The following CLHC1 variants were observed in gnomAD, a reference collection of about 807,000 sequenced individuals.
CLHC1 encodes the protein clathrin heavy chain linker domain-containing protein 1.
CLHC1 carries 72 observed loss-of-function variants against 69.5 expected under a neutral mutation model. The observed-to-expected ratio is 1.04, with a 90% CI of 0.86 to 1.26. The LOEUF (loss-of-function observed/expected upper bound fraction) is 1.26. CLHC1 is among the 50% of genes most tolerant of loss of function. The probability of loss-of-function intolerance (pLI) is 0.00; values close to 1 mark genes in which losing one functional copy is unlikely to be tolerated. For missense variants in CLHC1, 790 were observed against 679.3 expected (o/e 1.16, Z -1.81); for synonymous variants, 223 against 224.3 (o/e 0.99, Z 0.05).
At chr2:55,184,110 T>C (rs1485550737) in intron 9 of CLHC1, among the ~76,000 whole-genome samples, 1 of 147,884 alleles carries the variant, frequency 6.8e-6, no homozygotes, top group Admixed American at 6.7e-5. Context: ...TTCTTTATTT[T>C]TTTTTTTTTT....
chr2:55,180,022 C>T (rs567351281), intron 11 of CLHC1, among the ~76,000 whole-genome samples: 14 of 151,962 alleles, frequency 9.2e-5, no homozygotes, highest in Admixed American at 7.9e-4. Context: ...GGCGTAGTGG[C>T]GGGCACCTGT....
chr2:55,178,949 G>A (rs1669660928), intron 11 of CLHC1, among the ~76,000 whole-genome samples: 1 of 146,704 alleles, frequency 6.8e-6, no homozygotes. Context: ...ATTATTATTG[G>A]ATAAGGTCTC....
chr2:55,201,121 G>T (rs1031060047), intron 9 of CLHC1, among the ~76,000 whole-genome samples: 25 of 151,786 alleles, frequency 1.6e-4, no homozygotes, highest in African/African-American at 5.8e-4. Context: ...GCATCTTAAA[G>T]AACTAGAAAA....
chr2:55,219,162 C>G (rs1446365741), intron 3 of CLHC1, among the ~76,000 whole-genome samples: 1 of 152,122 alleles, frequency 6.6e-6, no homozygotes, highest in Non-Finnish European at 1.5e-5. Flanking sequence ...CCCTGTTGCT[C>G]CTGGCCATCT....
At chr2:55,198,218 A>T (rs934796709) in intron 9 of CLHC1, among the ~76,000 whole-genome samples, 4 of 152,188 alleles carry the variant, frequency 2.6e-5, no homozygotes, top group African/African-American at 4.8e-5. Flanking sequence ...ATAACCTCAA[A>T]AGTGCAAATC....
At chr2:55,178,279 T>A (rs1669594567) in intron 11 of CLHC1, among the ~76,000 whole-genome samples, 1 of 152,186 alleles carries the variant, frequency 6.6e-6, no homozygotes, top group Admixed American at 6.5e-5. Flanking sequence ...CTCAGTAATT[T>A]TTTTCCTAAA....
At chr2:55,209,273 G>A in intron 7 of CLHC1, 131 bp downstream of exon 7, 2 of 621,084 alleles carry the variant, frequency 3.2e-6, no homozygotes, top group South Asian at 4.2e-5. Context: ...GAAACCCATA[G>A]CGTAACAGAC....
intron 9 of CLHC1, among the ~76,000 whole-genome samples, chr2:55,199,200 G>C (rs1671704266): frequency 6.7e-6 from 1 of 149,672 alleles, no homozygotes; most frequent in Admixed American, 6.8e-5. Context: ...GGGAGGCTGA[G>C]GCAGGAGACT....
intron 11 of CLHC1, among the ~76,000 whole-genome samples, chr2:55,180,056 A>G (rs1392399074): frequency 1.3e-5 from 2 of 152,070 alleles, no homozygotes; most frequent in African/African-American, 2.4e-5. Flanking sequence ...TGGGAGGCTG[A>G]GGCAGGAGAA....
intron 4 of CLHC1, among the ~76,000 whole-genome samples, chr2:55,217,591 A>C (rs1673699155): frequency 7.5e-6 from 1 of 133,284 alleles, no homozygotes; most frequent in African/African-American, 2.7e-5. Flanking sequence ...ATATACTAAG[A>C]GGTACTATAA....
At chr2:55,217,770 C>A in intron 4 of CLHC1, 41 bp downstream of exon 4, 1 of 1,307,340 alleles carries the variant, frequency 7.6e-7, no homozygotes, top group South Asian at 1.7e-5. Flanking sequence ...TATAATCAAG[C>A]AACAACTACC....
At chr2:55,205,007 C>T (rs1672304204) in intron 9 of CLHC1, among the ~76,000 whole-genome samples, 1 of 152,012 alleles carries the variant, frequency 6.6e-6, no homozygotes, top group South Asian at 2.1e-4. Flanking sequence ...GTTAAAATGG[C>T]CATACTGCCC....
Position 55,222,425 on chromosome 2 carries a change from C to T in CLHC1, c.-14G>A. The T allele has an allele frequency of 2.5e-6, 4 of 1,606,544 alleles. No homozygotes were observed. The highest frequency in any genetic ancestry group is 3.4e-6 in the Non-Finnish European group (4 of 1,176,010). Reference sequence around the variant, plus strand: ...ATGAACTGACATATTTGACAATCTGCACACTTGTTCACTGAAGAACAGCTA... The same window carrying T: ...ATGAACTGACATATTTGACAATCTGTACACTTGTTCACTGAAGAACAGCTA... On this transcript the variant is annotated 5_prime_UTR_variant, in exon 3 of 13. Transcript: ENST00000401408.
At chr2:55,183,906 A>G (rs999957645) in intron 9 of CLHC1, among the ~76,000 whole-genome samples, 1 of 151,778 alleles carries the variant, frequency 6.6e-6, no homozygotes. Context: ...TCAGCCTCCC[A>G]TTTAGATGGG....
rs187731266 is a variant in CLHC1 at position 55,176,365 on chromosome 2, T to G, written c.1565-379A>C. On this transcript the variant is annotated intron_variant, in intron 12 of 12. Coordinates refer to ENST00000401408, the MANE Select transcript of CLHC1 (RefSeq NM_152385.4). ...GAGTCTATAAGGCACCACTAGAAACTATGAAATAACTGTAAACCTATAGGT... is the reference window on the plus strand; with the variant it reads ...GAGTCTATAAGGCACCACTAGAAACGATGAAATAACTGTAAACCTATAGGT... 2.8e-3 allele frequency among the ~76,000 whole-genome samples: 421 copies of G among 152,294 alleles called. 3 individuals carry two copies. The highest frequency in any genetic ancestry group is 9.8e-3 in the African/African-American group (407 of 41,556).
Position 55,180,517 on chromosome 2 carries a change from A to G in CLHC1, c.1377T>C (p.Phe459=), listed in dbSNP as rs753613329. The G allele has an allele frequency of 4.3e-6, 7 of 1,612,326 alleles. No homozygotes were observed. The highest frequency in any genetic ancestry group is 4.0e-5 in the African/African-American group (3 of 74,900). ...GCAGACTTTTTAACTTACCGGTAGTAAAGTCCTTCAACTGCTGTATGTACT... is the reference window on the plus strand; with the variant it reads ...GCAGACTTTTTAACTTACCGGTAGTGAAGTCCTTCAACTGCTGTATGTACT... ...VMEYIQQLKD[F]TTDDLLQLLM... Residue 459 remains phenylalanine, a synonymous_variant, in exon 11 of 13, where the codon TTT becomes TTC. Coordinates refer to ENST00000401408, the MANE Select transcript of CLHC1 (RefSeq NM_152385.4).
At chr2:55,212,877 A>G (rs1673150230) in intron 4 of CLHC1, 71 bp from the exon 5 acceptor site, 4 of 1,185,802 alleles carry the variant, frequency 3.4e-6, no homozygotes, top group East Asian at 4.7e-5. Flanking sequence ...CTAAAGTCAA[A>G]CAGGTTAAAT....
chr2:55,180,541 C>A lies in CLHC1; in HGVS notation c.1353G>T (p.Glu451Asp), dbSNP rs1376304799. 6.2e-7 allele frequency: 1 copy of A among 1,614,030 alleles called. No homozygotes were observed. Among genetic ancestry groups the A allele is most frequent in the Non-Finnish European group, 8.5e-7 (1 of 1,179,942 alleles). Residue 451 changes from glutamate (E) to aspartate (D), a missense_variant, in exon 11 of 13, where the codon GAG (glutamate) becomes GAT (aspartate). Coordinates refer to ENST00000401408, the MANE Select transcript of CLHC1 (RefSeq NM_152385.4). ...CKQGQTHRVM[E>D]YIQQLKDFTT... ...TAAAGTCCTTCAACTGCTGTATGTA[C>A]TCCATGACCCTATGAGTCTGACCCT... is the stretch of plus-strand genomic sequence containing the variant.
chr2:55,202,665 G>C (rs1483913299), intron 9 of CLHC1, among the ~76,000 whole-genome samples: 1 of 152,066 alleles, frequency 6.6e-6, no homozygotes, highest in Non-Finnish European at 1.5e-5. Context: ...GGGAGGTCAA[G>C]GCGGGCTGAT....
Sources: gnomAD v4.1 joint callset for allele counts (sites outside exome capture counted in the v4.1 genomes callset) on GRCh38, gnomAD v4.1.1 for gene constraint, MANE v1.5 for transcripts, NCBI Gene and HGNC (gene_info 2026-07-23, HGNC 2026-07-21) for gene names.